SPAG9: variants seen among roughly 807,000 people sequenced by gnomAD.
SPAG9 encodes C-Jun-amino-terminal kinase-interacting protein 4.
A neutral mutation model predicts 166.5 loss-of-function variants in SPAG9; 35 were observed. The ratio of observed to expected loss-of-function variants is 0.21; its 90% CI spans 0.16 to 0.28. SPAG9 has a LOEUF of 0.28. SPAG9 is among the 10% of genes least tolerant of loss of function. The probability of loss-of-function intolerance (pLI) is 1.00; values close to 1 mark genes in which losing one functional copy is unlikely to be tolerated. For synonymous variants in SPAG9, 534 were observed against 565.5 expected (o/e 0.94, Z 0.79); for missense variants, 1,235 against 1,603.3 (o/e 0.77, Z 3.92).
At chr17:50,999,475 C>T in intron 14 of SPAG9, 186 bp downstream of exon 14, 1 of 1,506,866 alleles carries the variant, frequency 6.6e-7, no homozygotes, top group Non-Finnish European at 8.8e-7. Flanking sequence ...AAGAGCCTTA[C>T]CGAGTTGGCA....
At chr17:51,055,636 G>C (rs1049911245) in intron 3 of SPAG9, among the ~76,000 whole-genome samples, 2 of 151,986 alleles carry the variant, frequency 1.3e-5, no homozygotes, top group Non-Finnish European at 1.5e-5. Flanking sequence ...GGAACCATAT[G>C]TATCATGGGA....
At chr17:51,034,917 A>G (rs886849968) in intron 5 of SPAG9, among the ~76,000 whole-genome samples, 3 of 152,206 alleles carry the variant, frequency 2.0e-5, no homozygotes, top group African/African-American at 7.2e-5. Context: ...TCTACAAAAC[A>G]ACTAACCAGT....
At chr17:51,090,932 T>C (rs2048447325) in intron 1 of SPAG9, among the ~76,000 whole-genome samples, 1 of 152,136 alleles carries the variant, frequency 6.6e-6, no homozygotes, top group African/African-American at 2.4e-5. Flanking sequence ...AGTCTGCATA[T>C]AATGTAACCA....
At chr17:51,042,427 G>A (rs559038422) in intron 4 of SPAG9, 2 of 152,210 alleles carry the variant, frequency 1.3e-5, no homozygotes, top group Admixed American at 6.5e-5. Flanking sequence ...ATTCCAAATC[G>A]AAGAGCTTTT....
chr17:51,016,602 C>G (rs936834336), intron 8 of SPAG9, among the ~76,000 whole-genome samples: 3 of 152,150 alleles, frequency 2.0e-5, no homozygotes, highest in African/African-American at 7.2e-5. Flanking sequence ...TTCAGAAGAA[C>G]AAAAAGTTGT....
At chr17:51,077,113 GCTATCTAGCTAGCTATCTAT>G (rs2048037580) in intron 2 of SPAG9, among the ~76,000 whole-genome samples, 1 of 135,448 alleles carries the variant, frequency 7.4e-6, no homozygotes, top group Admixed American at 7.1e-5. Flanking sequence ...TAGCTATCTA[GCTATCTAGCTAGCTATCTAT>G]CTATTTCTTT....
intron 3 of SPAG9, 63 bp downstream of exon 3, chr17:51,056,349 A>C: frequency 1.1e-6 from 1 of 918,138 alleles, no homozygotes; most frequent in Non-Finnish European, 1.7e-6. Flanking sequence ...ATTAAGACAT[A>C]TTTTCTAAGG....
At chr17:50,982,813 C>T (rs1974757295) in intron 24 of SPAG9, 141 bp from the exon 25 acceptor site, 1 of 781,734 alleles carries the variant, frequency 1.3e-6, no homozygotes, top group Admixed American at 3.4e-5. Flanking sequence ...CTTTTATTTG[C>T]AGCCTGGGTT....
chr17:51,067,330 T>C (rs1412610673), intron 2 of SPAG9, among the ~76,000 whole-genome samples: 3 of 152,156 alleles, frequency 2.0e-5, no homozygotes, highest in Non-Finnish European at 4.4e-5. Context: ...GCCATCTCTT[T>C]AAAGTCCTGA....
intron 3 of SPAG9, among the ~76,000 whole-genome samples, chr17:51,052,869 G>C (rs1353663848): frequency 6.6e-6 from 1 of 151,780 alleles, no homozygotes; most frequent in South Asian, 2.1e-4. Context: ...GATCAGGCTG[G>C]CCAACATGGT....
chr17:51,075,195 C>CAAAAAAAAAAAAAAAAAAA (rs57533555), intron 2 of SPAG9, among the ~76,000 whole-genome samples: 6 of 28,966 alleles, frequency 2.1e-4, no homozygotes, highest in South Asian at 2.8e-3. Flanking sequence ...GACTCCATCT[C>CAAAAAAAAAAAAAAAAAAA]AAAAAAAAAA....
chr17:51,119,671 C>T (rs1020646194), intron 1 of SPAG9, among the ~76,000 whole-genome samples: 3 of 152,036 alleles, frequency 2.0e-5, no homozygotes, highest in African/African-American at 7.2e-5. Context: ...TATAAATAAA[C>T]GGAGGGTTTT....
intron 6 of SPAG9, among the ~76,000 whole-genome samples, chr17:51,029,480 T>G (rs1473835441): frequency 3.3e-5 from 5 of 152,210 alleles, no homozygotes; most frequent in Admixed American, 2.0e-4. Flanking sequence ...ACAAAAGCAT[T>G]ATTCGTAACA....
At position 51,120,389 on chromosome 17, in the gene SPAG9, C is replaced by T; in HGVS notation, c.268G>A (p.Glu90Lys). ...TGCTTGCGCAGCGCCTTCTCCCGCT[C>T]GTACTGGGTGATGAGCTGCTCGTTG... ...DDNEQLITQY[E>K]REKALRKHAE... The change falls in exon 1 of 30, where the codon GAG (glutamate) becomes AAG (lysine). Residue 90 changes from glutamate to lysine, a missense_variant. By Grantham distance (56) the Glu-to-Lys change is moderately conservative. Around this residue, in one of 6 missense-constraint regions of SPAG9, gnomAD observed 83 missense variants for 149.8 expected, o/e 0.55. Coordinates refer to ENST00000262013, the MANE Select transcript of SPAG9 (RefSeq NM_001130528.3). This position sits in a 1 kb window ranked among gnomAD's most constrained non-coding sequence, Gnocchi z 4.7. 1 of 1,608,324 alleles carries T rather than the reference C, an allele frequency of 6.2e-7. No homozygotes were observed. Among genetic ancestry groups the T allele is most frequent in the East Asian group, 2.2e-5 (1 of 44,588 alleles).
At chr17:50,999,741 G>T in intron 13 of SPAG9, 24 bp from the exon 14 acceptor site, 1 of 1,603,592 alleles carries the variant, frequency 6.2e-7, no homozygotes, top group Middle Eastern at 1.7e-4. Flanking sequence ...GAAAAGAAAA[G>T]AAACATTTAT....
At chr17:51,037,685 A>ATATATATAGTGTGTGTGTGTGT in intron 5 of SPAG9, among the ~76,000 whole-genome samples, 5 of 83,488 alleles carry the variant, frequency 6.0e-5, no homozygotes, top group African/African-American at 2.0e-4. Flanking sequence ...ATATATATAT[A>ATATATATAGTGTGTGTGTGTGT]GTGTGTGTGT....
intron 27 of SPAG9, chr17:50,975,496 C>A: frequency 3.9e-6 from 1 of 257,222 alleles, no homozygotes; most frequent in Non-Finnish European, 7.6e-6. Flanking sequence ...CTGTAAAAGA[C>A]CAGACTCACA....
chr17:51,087,249 A>G (rs141800343), intron 1 of SPAG9, among the ~76,000 whole-genome samples: 1 of 152,334 alleles, frequency 6.6e-6, no homozygotes, highest in Non-Finnish European at 1.5e-5. Flanking sequence ...AGAAAGCAGA[A>G]CACTCATAAT....
chr17:51,046,417 G>C, intron 4 of SPAG9: 1 of 932,478 alleles, frequency 1.1e-6, no homozygotes, highest in African/African-American at 1.7e-5. Context: ...ATCTGCAACA[G>C]AAATTGTTAC....
Sources: allele counts gnomAD v4.1 joint callset (sites outside exome capture counted in the v4.1 genomes callset), GRCh38; gene constraint gnomAD v4.1.1; regional missense constraint gnomAD v4.1.1; non-coding constraint Gnocchi (gnomAD v3.1); transcripts MANE v1.5; gene names NCBI Gene and HGNC (gene_info 2026-07-23, HGNC 2026-07-21).